CELF2: variants seen among roughly 807,000 people sequenced by gnomAD.
CELF2 encodes CUGBP Elav-like family member 2.
A neutral mutation model predicts 62.6 loss-of-function variants in CELF2; 8 were observed. That is an observed-to-expected ratio of 0.13 (90% confidence interval 0.07 to 0.23). The LOEUF is 0.23. Ranked by LOEUF, CELF2 falls within the 10% of genes least tolerant of loss-of-function variation. The probability of loss-of-function intolerance (pLI) is 1.00; values close to 1 mark genes in which losing one functional copy is unlikely to be tolerated. For synonymous variants in CELF2, 258 were observed against 250.0 expected, an observed-to-expected ratio of 1.03 and a Z score of -0.30; for missense variants, 333 against 671.0, an observed-to-expected ratio of 0.50 and a Z score of 5.56.
the CELF2 span, among the ~76,000 whole-genome samples, chr10:10,639,791 C>G: frequency 6.6e-6 from 1 of 151,926 alleles, no homozygotes. Context: ...CATTGTGAGG[C>G]CCTCCCTGTC....
In CELF2 at chr10:11,302,586, A is replaced by G. The variant is rs1196976489; in HGVS notation, c.977-11553A>G. Among the ~76,000 whole-genome samples, 1 of 152,154 alleles carries G rather than the reference A, an allele frequency of 6.6e-6. No individual in the cohort carries two copies. The highest frequency in any genetic ancestry group is 1.5e-5 in the Non-Finnish European group (1 of 68,012). On this transcript the variant is annotated intron_variant, in intron 9 of 12. Transcript: ENST00000633077. This position sits in a 1 kb window ranked among gnomAD's most constrained non-coding sequence, Gnocchi z 5.0. The stretch of plus-strand genomic sequence containing the variant: ...TCCGCAGCCCAGGGCCCTGGGCCAA[A>G]GGGACTTGACACCACACAACTGTGG...
the CELF2 span, among the ~76,000 whole-genome samples, chr10:10,765,141 A>C: frequency 2.0e-5 from 3 of 152,150 alleles, no homozygotes; most frequent in Non-Finnish European, 4.4e-5. Flanking sequence ...AACTTCAGAC[A>C]GTGTGTCCAG....
At chr10:11,163,174 A>G (rs2066115117) in intron 1 of CELF2, among the ~76,000 whole-genome samples, 1 of 152,238 alleles carries the variant, frequency 6.6e-6, no homozygotes, top group East Asian at 1.9e-4. Flanking sequence ...TGCTTGCTCT[A>G]GAATTCTGAC....
chr10:11,133,853 C>T (rs1358093860), intron 1 of CELF2, among the ~76,000 whole-genome samples: 1 of 152,146 alleles, frequency 6.6e-6, no homozygotes, highest in Non-Finnish European at 1.5e-5. Flanking sequence ...CTGGACTGAA[C>T]CTACAAAGGA....
intron 8 of CELF2, among the ~76,000 whole-genome samples, chr10:11,281,696 T>C: frequency 6.6e-6 from 1 of 152,184 alleles, no homozygotes; most frequent in Non-Finnish European, 1.5e-5. Flanking sequence ...ATGGCTGCAG[T>C]GAGCCATAAT....
In CELF2 at chr10:11,305,910, T is replaced by C. The variant is rs74115825; in HGVS notation, c.977-8229T>C. ...CTGGACCACCTCGCTTTTCCTGTTC[T>C]CCACACCCCACCCTGCCCCACAAAC... On this transcript the variant is annotated intron_variant, in intron 9 of 12. Coordinates refer to ENST00000633077, the MANE Select transcript of CELF2 (RefSeq NM_001326342.2). The surrounding 1 kb of genome is among the most constrained non-coding windows in gnomAD (Gnocchi z 4.8). 8.6e-3 allele frequency among the ~76,000 whole-genome samples: 1,314 copies of C among 152,292 alleles called. 23 individuals are homozygous for C. The highest frequency in any genetic ancestry group is 0.029 in the African/African-American group (1,201 of 41,566).
At chr10:10,625,409 C>A in the CELF2 span, among the ~76,000 whole-genome samples, 1 of 152,314 alleles carries the variant, frequency 6.6e-6, no homozygotes, top group East Asian at 1.9e-4. Context: ...TTAGTGGGTA[C>A]TAATATTAAT....
At chr10:10,954,285 G>A (rs113561364) in intron 2 of CELF2, among the ~76,000 whole-genome samples, 11 of 150,386 alleles carry the variant, frequency 7.3e-5, no homozygotes, top group South Asian at 2.1e-4. Context: ...TTGTTCTGTC[G>A]CCCAGGCTGG....
rs1344104947 is a variant in CELF2, at chr10:11,237,924, A to T, written c.355-11229A>T. Among the ~76,000 whole-genome samples, 1 of 152,230 alleles carries T rather than the reference A, an allele frequency of 6.6e-6. No individual in the cohort carries two copies. Among genetic ancestry groups the T allele is most frequent in the African/African-American group, 2.4e-5 (1 of 41,456 alleles). Reference sequence around the variant, plus strand: ...AAAAACCACAATCACTTTCGTACAAACCTAATAGAATCTAGGATTGGAAAT... The same window carrying T: ...AAAAACCACAATCACTTTCGTACAATCCTAATAGAATCTAGGATTGGAAAT... On this transcript the variant is annotated intron_variant, in intron 3 of 12. Coordinates refer to ENST00000633077, the MANE Select transcript of CELF2 (RefSeq NM_001326342.2). The surrounding 1 kb of genome is among the most constrained non-coding windows in gnomAD (Gnocchi z 4.0).
At chr10:10,733,120 AC>A in the CELF2 span, among the ~76,000 whole-genome samples, 1 of 152,096 alleles carries the variant, frequency 6.6e-6, no homozygotes, top group Non-Finnish European at 1.5e-5. Context: ...TGAAGACCAC[AC>A]TTTTCAGGGA....
intron 1 of CELF2, among the ~76,000 whole-genome samples, chr10:10,881,721 C>G (rs1298798577): frequency 3.3e-5 from 5 of 150,368 alleles, no homozygotes; most frequent in African/African-American, 1.2e-4. Context: ...AGTCATCTCT[C>G]AGAGTCCACC....
chr10:10,587,019 G>A, the CELF2 span, among the ~76,000 whole-genome samples: 1,498 of 152,252 alleles, frequency 9.8e-3, 35 homozygotes, highest in East Asian at 0.099. Flanking sequence ...TGCAAACAAA[G>A]TACAAAACAT....
At chr10:10,514,152 C>T in the CELF2 span, among the ~76,000 whole-genome samples, 2 of 152,214 alleles carry the variant, frequency 1.3e-5, no homozygotes, top group African/African-American at 4.8e-5. Flanking sequence ...CCCAGACCCT[C>T]AGGAAATATA....
At chr10:10,525,470 C>G in the CELF2 span, among the ~76,000 whole-genome samples, 1 of 152,078 alleles carries the variant, frequency 6.6e-6, no homozygotes, top group African/African-American at 2.4e-5. Flanking sequence ...ATTGAACATC[C>G]CTACCCTAGA....
rs565688624 is a variant in CELF2, at chr10:11,267,682, G to T, written c.618+1005G>T. 2.0e-5 allele frequency among the ~76,000 whole-genome samples: 3 copies of T among 152,004 alleles called. No individual in the cohort carries two copies. The highest frequency in any genetic ancestry group is 1.9e-4 in the East Asian group (1 of 5,174). ...CATTTTGTTGGGGTTTTATTTTTTT[G>T]TTTGTTTGTTTTTGTTTGTTTTTTG... is the stretch of plus-strand genomic sequence containing the variant. On this transcript the variant is annotated intron_variant, in intron 6 of 12. Coordinates refer to ENST00000633077, the MANE Select transcript of CELF2 (RefSeq NM_001326342.2). This position sits in a 1 kb window ranked among gnomAD's most constrained non-coding sequence, Gnocchi z 4.4.
chr10:10,532,382 T>A, the CELF2 span, among the ~76,000 whole-genome samples: 14 of 152,354 alleles, frequency 9.2e-5, no homozygotes, highest in African/African-American at 3.1e-4. Context: ...GGCATATATG[T>A]AGAACTCATT....
chr10:11,197,057 GA>G lies in CELF2; in HGVS notation c.272-20364del, dbSNP rs5783199. ...AGAAAGAAAGAAAGAAAGAAAGAAA[GA>G]AAAGAAAGAAAGGAAAGAAAGAAAG... On this transcript the variant is annotated intron_variant, in intron 2 of 12. Coordinates refer to ENST00000633077, the MANE Select transcript of CELF2 (RefSeq NM_001326342.2). 1.5e-3 allele frequency among the ~76,000 whole-genome samples: 58 copies of G among 37,450 alleles called. 5 individuals are homozygous for G. The highest frequency in any genetic ancestry group is 0.013 in the East Asian group (6 of 452). The allele number at this position is 37,450 out of a possible 152,430, so 24.6% of individuals were successfully genotyped here. A position where few individuals can be genotyped will look rare whatever the true frequency, so the allele number is the denominator to read the frequency against.
the CELF2 span, among the ~76,000 whole-genome samples, chr10:10,742,088 C>G: frequency 3.3e-5 from 5 of 152,146 alleles, no homozygotes; most frequent in Non-Finnish European, 5.9e-5. Context: ...TTCCCCTGAA[C>G]AATTTCCTCA....
At chr10:11,085,146 TC>T (rs765077335) in intron 1 of CELF2, among the ~76,000 whole-genome samples, 6 of 152,212 alleles carry the variant, frequency 3.9e-5, no homozygotes, top group African/African-American at 7.2e-5. Flanking sequence ...ATGCTGTTCT[TC>T]CCCCTAAGTT....
Sources: allele counts gnomAD v4.1 joint callset (sites outside exome capture counted in the v4.1 genomes callset), GRCh38; gene constraint gnomAD v4.1.1; non-coding constraint Gnocchi (gnomAD v3.1); transcripts MANE v1.5; gene names NCBI Gene and HGNC (gene_info 2026-07-23, HGNC 2026-07-21).